Variants in SASH1 observed in about 807,000 individuals in gnomAD.
SASH1 encodes the protein SAM and SH3 domain-containing protein 1.
Under a neutral mutation model 125.2 loss-of-function variants are expected in SASH1, and 44 were observed. The observed-to-expected ratio is 0.35, with a 90% CI of 0.28 to 0.45. SASH1 has a LOEUF of 0.45. Among genes scored for constraint, SASH1 ranks in the 20% least tolerant of loss-of-function variants. The pLI is 1.00. For synonymous variants in SASH1, 639 were observed against 649.1 expected (o/e 0.98, Z 0.24); for missense variants, 1,426 against 1,614.5 (o/e 0.88, Z 2.00).
chr6:148,279,189 C>T (rs1249440827), intron 1 of SASH1, among the ~76,000 whole-genome samples: 1 of 152,044 alleles, frequency 6.6e-6, no homozygotes, highest in Admixed American at 6.6e-5. Flanking sequence ...ACGGGTTTCA[C>T]CATGTTGCCC....
intron 2 of SASH1, among the ~76,000 whole-genome samples, chr6:148,396,291 T>C (rs768904258): frequency 4.0e-5 from 6 of 151,676 alleles, no homozygotes; most frequent in Non-Finnish European, 7.4e-5. Flanking sequence ...CTAGCCTGGC[T>C]AACATGGTGA....
intron 4 of SASH1, among the ~76,000 whole-genome samples, chr6:148,468,087 C>T (rs1357275488): frequency 6.6e-6 from 1 of 152,218 alleles, no homozygotes; most frequent in Non-Finnish European, 1.5e-5. Context: ...TTGTGGGTGT[C>T]TCACCCGCCT....
intron 1 of SASH1, among the ~76,000 whole-genome samples, chr6:148,304,283 A>T (rs1056713427): frequency 6.6e-6 from 1 of 152,118 alleles, no homozygotes; most frequent in African/African-American, 2.4e-5. Context: ...CTAAAAAAAT[A>T]CAAAAAATTA....
At chr6:148,396,005 AC>A (rs1447366028) in intron 2 of SASH1, among the ~76,000 whole-genome samples, 2 of 151,942 alleles carry the variant, frequency 1.3e-5, no homozygotes, top group Non-Finnish European at 2.9e-5. Context: ...CCCCAGCAGC[AC>A]TCTGTTGATG....
chr6:148,278,774 T>C (rs1779256958), intron 1 of SASH1: 1 of 152,142 alleles, frequency 6.6e-6, no homozygotes, highest in African/African-American at 2.4e-5. Flanking sequence ...ATGTTTCATG[T>C]ATTTCTTAAA....
chr6:148,453,937 T>C (rs1777219333), intron 4 of SASH1, among the ~76,000 whole-genome samples: 1 of 152,158 alleles, frequency 6.6e-6, no homozygotes, highest in African/African-American at 2.4e-5. Flanking sequence ...ACCTCATGCA[T>C]CACAGCCCGT....
chr6:148,323,853 G>A (rs34277838), intron 1 of SASH1, among the ~76,000 whole-genome samples: 10,169 of 151,962 alleles, frequency 0.067, 525 homozygotes, highest in East Asian at 0.27. Context: ...ATGGCAGGGC[G>A]CAGTGGCTCA....
intron 7 of SASH1, among the ~76,000 whole-genome samples, chr6:148,481,790 A>G (rs556952011): frequency 6.6e-6 from 1 of 152,330 alleles, no homozygotes; most frequent in African/African-American, 2.4e-5. Context: ...AACAGATGTA[A>G]TAAGAATGAA....
chr6:148,424,726 CA>C (rs1775735621), intron 2 of SASH1, among the ~76,000 whole-genome samples: 1 of 152,152 alleles, frequency 6.6e-6, no homozygotes, highest in South Asian at 2.1e-4. Context: ...CACTGAAAAC[CA>C]GGCCAGACTT....
rs1376594881 is a variant in SASH1 at position 148,551,606 on chromosome 6, A to C, written c.*3048A>C. ...CTGACATAGTAAAGTTTGCTTTCAT[A>C]ACTGCAGCAAAAAAGGTCAACTTGC... is the stretch of plus-strand genomic sequence containing the variant. On this transcript the variant is annotated 3_prime_UTR_variant, in exon 20 of 20. Transcript: ENST00000367467. 6.6e-6 allele frequency: 1 copy of C among 152,400 alleles called. No individual in the cohort carries two copies. Among genetic ancestry groups the C allele is most frequent in the African/African-American group, 2.4e-5 (1 of 41,460 alleles). The allele number at this position is 152,400 out of a possible 1,614,324, so 9.4% of individuals were successfully genotyped here.
chr6:148,326,377 T>TATATATATA (rs1780825015), intron 1 of SASH1, among the ~76,000 whole-genome samples: 3 of 33,460 alleles, frequency 9.0e-5, no homozygotes, highest in African/African-American at 1.7e-4. Flanking sequence ...TATATATACA[T>TATATATATA]TCTTTTCTTT....
At chr6:148,486,938 TATATATA>T in intron 7 of SASH1, among the ~76,000 whole-genome samples, 1 of 536 alleles carries the variant, frequency 1.9e-3, no homozygotes, top group South Asian at 0.056. Context: ...CAACAACAAA[TATATATA>T]TATATATATA....
chr6:148,288,129 G>A (rs1378013374), intron 1 of SASH1, among the ~76,000 whole-genome samples: 1 of 151,896 alleles, frequency 6.6e-6, no homozygotes, highest in Non-Finnish European at 1.5e-5. Context: ...GCAAGAACAA[G>A]CACCAAGCTG....
chr6:148,305,717 T>C (rs185735588), intron 1 of SASH1, among the ~76,000 whole-genome samples: 13 of 151,504 alleles, frequency 8.6e-5, no homozygotes, highest in Non-Finnish European at 1.6e-4. Flanking sequence ...GCAGACCCAG[T>C]GAGTTTGACA....
At chr6:148,259,198 G>A in the SASH1 span, among the ~76,000 whole-genome samples, 1 of 152,162 alleles carries the variant, frequency 6.6e-6, no homozygotes, top group South Asian at 2.1e-4. Context: ...AATCACTCCA[G>A]GCCAATACCT....
At position 148,543,739 on chromosome 6, in the gene SASH1, T is replaced by G. The variant is rs781023918; in HGVS notation, c.2269T>G (p.Ser757Ala). ...GTCATCCACCGAGCCCAGCTTGAAG[T>G]CTTTTAGCAGAAACCAGTTGGGCAA... The part of the protein sequence containing the change: ...AKSSTEPSLK[S>A]FSRNQLGNYP... The change falls in exon 18 of 20, where the codon TCT (serine) becomes GCT (alanine). Residue 757 changes from serine to alanine, a missense_variant. Transcript: ENST00000367467. 1.9e-6 allele frequency: 3 copies of G among 1,594,240 alleles called. No homozygotes were observed. Among genetic ancestry groups the G allele is most frequent in the Non-Finnish European group, 2.6e-6 (3 of 1,167,240 alleles).
intron 7 of SASH1, among the ~76,000 whole-genome samples, chr6:148,475,467 G>A (rs569674419): frequency 2.6e-5 from 4 of 152,280 alleles, no homozygotes; most frequent in Admixed American, 6.5e-5. Context: ...ATGCTTATAA[G>A]CCAGAAGGAG....
intron 1 of SASH1, among the ~76,000 whole-genome samples, chr6:148,277,891 ATTTTCAGTAG>A (rs2128504483): frequency 6.6e-6 from 1 of 150,620 alleles, no homozygotes; most frequent in Non-Finnish European, 1.5e-5. Flanking sequence ...TAATTTTTGT[ATTTTCAGTAG>A]AGACGGGGTT....
At chr6:148,288,671 C>T (rs879775717) in intron 1 of SASH1, among the ~76,000 whole-genome samples, 13 of 130,830 alleles carry the variant, frequency 9.9e-5, no homozygotes, top group South Asian at 5.5e-4. Context: ...CAGACACACA[C>T]GGAATACACA....
Sources: allele counts gnomAD v4.1 joint callset (sites outside exome capture counted in the v4.1 genomes callset), GRCh38; gene constraint gnomAD v4.1.1; transcripts MANE v1.5; gene names NCBI Gene and HGNC (gene_info 2026-07-23, HGNC 2026-07-21).